The following SGIP1 variants were observed in gnomAD, a reference collection of about 807,000 sequenced individuals.
SGIP1 encodes the protein SH3GL interacting endocytic adaptor 1, also known as SH3-containing GRB2-like protein 3-interacting protein 1.
In SGIP1, 38 loss-of-function variants were observed where a neutral mutation model predicts 107.5. The observed-to-expected ratio is 0.35, with a 90% CI of 0.27 to 0.46. The LOEUF (loss-of-function observed/expected upper bound fraction) is 0.46. Ranked by LOEUF, SGIP1 falls within the 20% of genes least tolerant of loss-of-function variation. SGIP1 has a pLI of 1.00. For missense variants in SGIP1, 929 were observed against 1,019.5 expected (o/e 0.91, Z 1.21); for synonymous variants, 365 against 366.1 (o/e 1.00, Z 0.03).
chr1:66,619,339 G>T (rs550590538), intron 1 of SGIP1, among the ~76,000 whole-genome samples: 1 of 152,338 alleles, frequency 6.6e-6, no homozygotes, highest in Admixed American at 6.5e-5. Flanking sequence ...GCAATGTGTA[G>T]CAAGACTATG....
At chr1:66,564,027 T>C (rs17129098) in intron 1 of SGIP1, among the ~76,000 whole-genome samples, 1,769 of 152,108 alleles carry the variant, frequency 0.012, 40 homozygotes, top group African/African-American at 0.041. Flanking sequence ...AGAAGCCCTT[T>C]CTTAAACCAA....
rs111835779 is a variant in SGIP1, at chr1:66,565,026, G to A, written c.10+30658G>A. Among the ~76,000 whole-genome samples, 889 of 152,044 alleles carry A rather than the reference G, an allele frequency of 5.8e-3. 7 individuals are homozygous for A. The highest frequency in any genetic ancestry group is 0.021 in the African/African-American group (854 of 41,498). ...TCTGGAGAGCTTAAGTGCCTGGCCC[G>A]AAGTCATACAATCTGGAAGGGGGCA... On this transcript the variant is annotated intron_variant, in intron 1 of 24. Coordinates refer to ENST00000371037, the MANE Select transcript of SGIP1 (RefSeq NM_032291.4).
At chr1:66,635,581 A>T (rs2075622603) in intron 3 of SGIP1, among the ~76,000 whole-genome samples, 1 of 152,234 alleles carries the variant, frequency 6.6e-6, no homozygotes, top group African/African-American at 2.4e-5. Flanking sequence ...TAGGTTAGAA[A>T]TACAAACATT....
chr1:66,601,453 C>T (rs2065808675), intron 1 of SGIP1, among the ~76,000 whole-genome samples: 1 of 152,016 alleles, frequency 6.6e-6, no homozygotes, highest in Non-Finnish European at 1.5e-5. Context: ...AGAAAACTTA[C>T]ACAGTTTTCT....
At chr1:66,739,670 A>C in intron 22 of SGIP1, 133 bp downstream of exon 22, 2 of 823,870 alleles carry the variant, frequency 2.4e-6, no homozygotes, top group Non-Finnish European at 1.9e-6. Context: ...AGGAAATAGA[A>C]ACCACTGGTA....
At chr1:66,630,873 A>G (rs1474218839) in intron 2 of SGIP1, among the ~76,000 whole-genome samples, 99 of 55,782 alleles carry the variant, frequency 1.8e-3, no homozygotes, top group African/African-American at 8.3e-3. Context: ...GAAAGAAAGA[A>G]AGAAAGAAAG....
intron 2 of SGIP1, among the ~76,000 whole-genome samples, chr1:66,628,960 C>A (rs778004164): frequency 2.6e-5 from 4 of 152,202 alleles, no homozygotes; most frequent in Non-Finnish European, 5.9e-5. Flanking sequence ...TTAGTATAAG[C>A]CTTTGCTTTT....
intron 15 of SGIP1, among the ~76,000 whole-genome samples, chr1:66,685,971 T>A (rs1236608864): frequency 2.0e-5 from 3 of 152,244 alleles, no homozygotes; most frequent in Non-Finnish European, 4.4e-5. Context: ...AGAAATGGTA[T>A]CATTATGGTC....
intron 15 of SGIP1, among the ~76,000 whole-genome samples, chr1:66,685,266 C>T (rs772135324): frequency 6.6e-6 from 1 of 152,164 alleles, no homozygotes; most frequent in Non-Finnish European, 1.5e-5. Flanking sequence ...TGTCACTGAC[C>T]AAGTATAGAC....
intron 1 of SGIP1, among the ~76,000 whole-genome samples, chr1:66,607,943 G>A (rs2067172921): frequency 6.6e-6 from 1 of 152,146 alleles, no homozygotes. Context: ...GGAGAATAGG[G>A]GAAGCATGCG....
At chr1:66,601,532 TGA>T (rs753130062) in intron 1 of SGIP1, among the ~76,000 whole-genome samples, 110 of 149,786 alleles carry the variant, frequency 7.3e-4, no homozygotes, top group Non-Finnish European at 1.0e-3. Context: ...TGTGTGTGTG[TGA>T]GAGAGAGAGA....
intron 24 of SGIP1, 150 bp downstream of exon 24, chr1:66,741,586 A>G (rs2094447351): frequency 3.9e-6 from 3 of 766,724 alleles, no homozygotes; most frequent in Non-Finnish European, 3.9e-6. Context: ...CAATTATTGA[A>G]TGAAGTAGAA....
intron 22 of SGIP1, 96 bp downstream of exon 22, chr1:66,739,633 G>A: frequency 7.9e-7 from 1 of 1,270,298 alleles, no homozygotes; most frequent in Non-Finnish European, 1.1e-6. Context: ...GGAGATGACA[G>A]CAGGCCTGTG....
chr1:66,697,700 A>C (rs1188844825), intron 18 of SGIP1, among the ~76,000 whole-genome samples: 1 of 152,184 alleles, frequency 6.6e-6, no homozygotes, highest in Non-Finnish European at 1.5e-5. Context: ...TGTACGCTAG[A>C]CTCGGGTATT....
At chr1:66,631,286 G>T (rs1020503280) in intron 2 of SGIP1, among the ~76,000 whole-genome samples, 9 of 151,948 alleles carry the variant, frequency 5.9e-5, no homozygotes, top group African/African-American at 2.2e-4. Context: ...TTTATCCTTT[G>T]GTCCTAACCA....
intron 4 of SGIP1, among the ~76,000 whole-genome samples, chr1:66,637,415 T>G (rs1020219296): frequency 2.0e-5 from 3 of 151,226 alleles, no homozygotes; most frequent in African/African-American, 7.3e-5. Context: ...CTGGCATAAC[T>G]GAGACCAAAT....
chr1:66,663,502 T>C (rs1016218341), intron 8 of SGIP1, among the ~76,000 whole-genome samples: 10 of 152,146 alleles, frequency 6.6e-5, no homozygotes, highest in South Asian at 2.1e-4. Context: ...CCTAAGCCAG[T>C]TTTTGCTCTT....
chr1:66,642,716 T>C, intron 5 of SGIP1, 94 bp from the exon 6 acceptor site: 1 of 1,085,552 alleles, frequency 9.2e-7, no homozygotes, highest in Non-Finnish European at 1.3e-6. Flanking sequence ...AGAAAAGACT[T>C]TTCTATATCC....
chr1:66,624,996 C>T (rs2072260187), intron 1 of SGIP1, among the ~76,000 whole-genome samples: 1 of 152,104 alleles, frequency 6.6e-6, no homozygotes, highest in South Asian at 2.1e-4. Context: ...TTTGAAATCA[C>T]AAATATTATC....
Sources: allele counts gnomAD v4.1 joint callset (sites outside exome capture counted in the v4.1 genomes callset), GRCh38; gene constraint gnomAD v4.1.1; transcripts MANE v1.5; gene names NCBI Gene and HGNC (gene_info 2026-07-23, HGNC 2026-07-21).